MAGI1: variants seen among roughly 807,000 people sequenced by gnomAD.
The protein encoded by MAGI1 is membrane associated guanylate kinase, WW and PDZ domain containing 1, also known as membrane-associated guanylate kinase, WW and PDZ domain-containing protein 1.
In MAGI1, 58 loss-of-function variants were observed where a neutral mutation model predicts 139.9. The ratio of observed to expected loss-of-function variants is 0.41; its 90% confidence interval spans 0.34 to 0.52. The LOEUF (loss-of-function observed/expected upper bound fraction) is 0.52, where lower values mean the gene tolerates loss of function less well. Ranked by LOEUF, MAGI1 falls within the 20% of genes least tolerant of loss-of-function variation. The pLI is 0.12. For synonymous variants in MAGI1, 812 were observed against 737.9 expected (o/e 1.10, Z -1.63); for missense variants, 1,874 against 1,901.6 (o/e 0.99, Z 0.27).
intron 2 of MAGI1, among the ~76,000 whole-genome samples, chr3:65,586,025 T>C (rs2081656766): frequency 6.6e-6 from 1 of 152,024 alleles, no homozygotes. Flanking sequence ...CCTGGCACTA[T>C]AGTGAGACCC....
At chr3:65,611,424 T>G in intron 2 of MAGI1, among the ~76,000 whole-genome samples, 1 of 144,426 alleles carries the variant, frequency 6.9e-6, no homozygotes. Flanking sequence ...TATGTATGTA[T>G]ACTGTATATA....
At chr3:65,469,815 A>G (rs934836174) in intron 5 of MAGI1, 2 of 151,182 alleles carry the variant, frequency 1.3e-5, no homozygotes, top group African/African-American at 4.8e-5. Context: ...ATGATAAAGG[A>G]ATTATATCCA....
intron 10 of MAGI1, among the ~76,000 whole-genome samples, chr3:65,433,080 C>T (rs1947582456): frequency 6.6e-6 from 1 of 152,126 alleles, no homozygotes; most frequent in Non-Finnish European, 1.5e-5. Flanking sequence ...CATAAAACCA[C>T]TAGAATGTTA....
At chr3:65,392,027 T>G (rs1943960112) in intron 13 of MAGI1, among the ~76,000 whole-genome samples, 1 of 152,214 alleles carries the variant, frequency 6.6e-6, no homozygotes, top group South Asian at 2.1e-4. Flanking sequence ...CCGATAGTAC[T>G]GTTGGTTGAA....
chr3:65,701,879 G>C (rs993787687), intron 1 of MAGI1, among the ~76,000 whole-genome samples: 2 of 152,168 alleles, frequency 1.3e-5, no homozygotes, highest in African/African-American at 4.8e-5. Context: ...TGGTAGCCGT[G>C]ATAAAATTTT....
At chr3:65,462,193 C>T (rs1489721087) in intron 5 of MAGI1, among the ~76,000 whole-genome samples, 1 of 152,104 alleles carries the variant, frequency 6.6e-6, no homozygotes, top group African/African-American at 2.4e-5. Context: ...AGTCTTTGCC[C>T]ATGCCTATGT....
At chr3:65,402,783 G>A (rs1945017697) in intron 12 of MAGI1, among the ~76,000 whole-genome samples, 1 of 152,126 alleles carries the variant, frequency 6.6e-6, no homozygotes, top group South Asian at 2.1e-4. Context: ...CACTGGGAGT[G>A]AGGCATGATG....
intron 1 of MAGI1, among the ~76,000 whole-genome samples, chr3:65,820,887 T>C (rs2041909616): frequency 2.0e-5 from 3 of 152,132 alleles, no homozygotes. Flanking sequence ...ACCCTTCTCC[T>C]GACACACCAA....
At chr3:65,462,191 C>T (rs1208612563) in intron 5 of MAGI1, among the ~76,000 whole-genome samples, 1 of 152,092 alleles carries the variant, frequency 6.6e-6, no homozygotes, top group Non-Finnish European at 1.5e-5. Context: ...GAAGTCTTTG[C>T]CCATGCCTAT....
At chr3:65,901,777 C>T (rs772331198) in intron 1 of MAGI1, among the ~76,000 whole-genome samples, 1 of 152,166 alleles carries the variant, frequency 6.6e-6, no homozygotes, top group Non-Finnish European at 1.5e-5. Flanking sequence ...TTCCTCAGCA[C>T]CCTCCACAAT....
At chr3:65,587,397 C>A (rs957325263) in intron 2 of MAGI1, among the ~76,000 whole-genome samples, 8 of 151,680 alleles carry the variant, frequency 5.3e-5, no homozygotes, top group Admixed American at 5.3e-4. Context: ...AAAAACAGAA[C>A]AGTTGTGTGG....
At chr3:65,393,164 C>T (rs956197488) in intron 13 of MAGI1, among the ~76,000 whole-genome samples, 6 of 152,154 alleles carry the variant, frequency 3.9e-5, no homozygotes, top group African/African-American at 1.4e-4. Context: ...TCTCCTCCAA[C>T]AGTGAATTCA....
At chr3:65,421,748 C>T (rs1329278392) in intron 12 of MAGI1, among the ~76,000 whole-genome samples, 1 of 152,158 alleles carries the variant, frequency 6.6e-6, no homozygotes, top group Non-Finnish European at 1.5e-5. Context: ...CTGTAACCCG[C>T]TTATAAACTT....
intron 2 of MAGI1, among the ~76,000 whole-genome samples, chr3:65,520,473 A>T (rs1272003470): frequency 6.6e-6 from 1 of 152,072 alleles, no homozygotes; most frequent in African/African-American, 2.4e-5. Context: ...CCTCATCTGC[A>T]AATGGGAAGA....
chr3:65,769,158 C>T (rs563535114), intron 1 of MAGI1, among the ~76,000 whole-genome samples: 11 of 152,236 alleles, frequency 7.2e-5, no homozygotes, highest in Admixed American at 6.5e-4. Context: ...TAAAAGTTGT[C>T]GATCTGTTTT....
chr3:65,813,588 T>C (rs757617733), intron 1 of MAGI1, among the ~76,000 whole-genome samples: 12 of 152,176 alleles, frequency 7.9e-5, no homozygotes, highest in African/African-American at 2.4e-5. Context: ...GTAAGTAACT[T>C]GTTTCAACCT....
chr3:65,474,172 G>A (rs1950724234), intron 4 of MAGI1, among the ~76,000 whole-genome samples: 1 of 152,134 alleles, frequency 6.6e-6, no homozygotes, highest in African/African-American at 2.4e-5. Flanking sequence ...GGCTGAGGTG[G>A]GAGAATCACT....
chr3:65,768,566 T>C (rs1033071461), intron 1 of MAGI1, among the ~76,000 whole-genome samples: 6 of 152,210 alleles, frequency 3.9e-5, no homozygotes, highest in Non-Finnish European at 1.5e-5. Context: ...TGAAATCAAA[T>C]AGCAGAAAGT....
intron 1 of MAGI1, among the ~76,000 whole-genome samples, chr3:65,999,300 G>A (rs1452705290): frequency 2.6e-5 from 4 of 152,074 alleles, no homozygotes; most frequent in South Asian, 2.1e-4. Flanking sequence ...TAATTTAGGG[G>A]GATAAGGAGA....
Sources: gnomAD v4.1 joint callset for allele counts (sites outside exome capture counted in the v4.1 genomes callset) on GRCh38, gnomAD v4.1.1 for gene constraint, MANE v1.5 for transcripts, NCBI Gene and HGNC (gene_info 2026-07-23, HGNC 2026-07-21) for gene names.